The following DTNB variants were observed in gnomAD, a reference collection of about 807,000 sequenced individuals.
The protein encoded by DTNB is DTN-B.
Under a neutral mutation model 90.7 loss-of-function variants are expected in DTNB, and 63 were observed. That is an observed-to-expected ratio of 0.69 (90% CI 0.57 to 0.86). The LOEUF is 0.86. Among genes scored for constraint, DTNB ranks in the 40% least tolerant of loss-of-function variants. The pLI is 0.00. For synonymous variants in DTNB, 277 were observed against 286.7 expected (o/e 0.97, Z 0.34); for missense variants, 744 against 807.1 (o/e 0.92, Z 0.95).
intron 5 of DTNB, among the ~76,000 whole-genome samples, chr2:25,597,933 C>T (rs958134771): frequency 6.6e-6 from 1 of 152,114 alleles, no homozygotes; most frequent in Admixed American, 6.5e-5. Flanking sequence ...ACATGATAAG[C>T]CCCACCATGT....
chr2:25,553,496 G>C (rs1022457685), intron 8 of DTNB, among the ~76,000 whole-genome samples: 4 of 151,958 alleles, frequency 2.6e-5, no homozygotes, highest in African/African-American at 9.7e-5. Context: ...CTAGCACTTA[G>C]GGAGGCTGAG....
At chr2:25,538,168 A>G (rs2150990254) in intron 8 of DTNB, among the ~76,000 whole-genome samples, 1 of 152,240 alleles carries the variant, frequency 6.6e-6, no homozygotes, top group South Asian at 2.1e-4. Flanking sequence ...GGATCACTTG[A>G]GGCCAGGAGT....
At chr2:25,497,720 T>C (rs886067775) in intron 9 of DTNB, 3 of 152,156 alleles carry the variant, frequency 2.0e-5, no homozygotes, top group African/African-American at 4.8e-5. Flanking sequence ...AGTCCCATCA[T>C]GAGATTGTCT....
At chr2:25,621,750 C>G (rs1232279151) in intron 4 of DTNB, among the ~76,000 whole-genome samples, 1 of 151,568 alleles carries the variant, frequency 6.6e-6, no homozygotes, top group African/African-American at 2.4e-5. Context: ...AGCCACTGCA[C>G]CCAGCCTAAA....
intron 9 of DTNB, among the ~76,000 whole-genome samples, chr2:25,516,408 C>T (rs114459545): frequency 0.023 from 3,539 of 152,026 alleles, 124 homozygotes; most frequent in African/African-American, 0.081. Context: ...CACCCCACCC[C>T]GCTAATTTTT....
At chr2:25,489,313 A>G (rs2066878070) in intron 9 of DTNB, among the ~76,000 whole-genome samples, 1 of 152,212 alleles carries the variant, frequency 6.6e-6, no homozygotes, top group Non-Finnish European at 1.5e-5. Flanking sequence ...CATTTATCAG[A>G]TATTTGCCTA....
chr2:25,388,397 G>T lies in DTNB; in HGVS notation c.1576-36C>A, dbSNP rs758504464. 4 of 1,563,128 alleles carry T rather than the reference G, an allele frequency of 2.6e-6. No homozygotes were observed. The Admixed American group carries it at 7.6e-5, about 30-fold the overall frequency. On this transcript the variant is annotated intron_variant, in intron 16 of 20. Transcript: ENST00000406818. ...AAAGACAGAAAATACGTTATCTCAA[G>T]TACCTGACCTCTTTGAGGAAGGAAG...
chr2:25,668,360 C>G (rs2085003311), intron 1 of DTNB, among the ~76,000 whole-genome samples: 2 of 152,158 alleles, frequency 1.3e-5, no homozygotes. Flanking sequence ...TACATGATTC[C>G]AAATCTATGA....
chr2:25,409,188 G>C (rs1253320203), intron 16 of DTNB, among the ~76,000 whole-genome samples: 8 of 152,236 alleles, frequency 5.3e-5, no homozygotes, highest in Non-Finnish European at 1.0e-4. Context: ...GGATTTCAAA[G>C]TCAGGAAAGG....
At chr2:25,609,855 A>C (rs1182747308) in intron 4 of DTNB, among the ~76,000 whole-genome samples, 1 of 152,086 alleles carries the variant, frequency 6.6e-6, no homozygotes, top group Non-Finnish European at 1.5e-5. Context: ...AAACAAATCA[A>C]CTTTATAAAA....
chr2:25,379,607 A>G (rs987843157), intron 19 of DTNB: 8 of 363,428 alleles, frequency 2.2e-5, no homozygotes, highest in Non-Finnish European at 3.9e-5. Context: ...GAGCAGTTAC[A>G]TGAGGGGGGC....
chr2:25,468,495 C>T (rs1027375417), intron 10 of DTNB, among the ~76,000 whole-genome samples: 2 of 152,174 alleles, frequency 1.3e-5, no homozygotes, highest in Admixed American at 6.6e-5. Context: ...GTCTACAAAA[C>T]GACCGAGGGC....
rs2053181136 is a variant in DTNB at position 25,429,641 on chromosome 2, T to C, written c.1458-2010A>G. On this transcript the variant is annotated intron_variant, in intron 14 of 20. Transcript: ENST00000406818. ...CATTCCTACCATGATGCAAAATCCT[T>C]GAGGTCAGGGGATGGGCCTTACTCA... is the stretch of plus-strand genomic sequence containing the variant. Among the ~76,000 whole-genome samples the C allele has an allele frequency of 3.3e-5, 5 of 152,306 alleles. No individual in the cohort carries two copies. The South Asian group carries it at 1.0e-3, about 32-fold the overall frequency.
chr2:25,439,212 CAG>C (rs1348550193), intron 12 of DTNB, among the ~76,000 whole-genome samples: 2 of 152,060 alleles, frequency 1.3e-5, no homozygotes, highest in Non-Finnish European at 2.9e-5. Flanking sequence ...ATGTTAATAA[CAG>C]GGGAAACTTG....
chr2:25,522,756 A>T (rs1334580331), intron 9 of DTNB, among the ~76,000 whole-genome samples: 1 of 147,224 alleles, frequency 6.8e-6, no homozygotes, highest in Admixed American at 6.9e-5. Context: ...GATAGAGTGC[A>T]GTGGTGCAAT....
At position 25,566,187 on chromosome 2, in the gene DTNB, T is replaced by TG. The variant is rs751353746; in HGVS notation, c.876+10650dup. On this transcript the variant is annotated intron_variant, in intron 8 of 20. Coordinates refer to ENST00000406818, the MANE Select transcript of DTNB (RefSeq NM_021907.5). ...AAATGTTCGTGTTGCAAACTGCCTA[T>TG]GGGGGGCCACATGAAAAGAAACTGT... Among the ~76,000 whole-genome samples the TG allele has an allele frequency of 4.6e-5, 7 of 152,180 alleles. No homozygotes were observed. The East Asian group carries it at 5.8e-4, about 13-fold the overall frequency.
At chr2:25,481,962 T>G (rs549801753) in intron 10 of DTNB, 2 of 152,232 alleles carry the variant, frequency 1.3e-5, no homozygotes, top group African/African-American at 4.8e-5. Context: ...AAAATTTCTA[T>G]AGCATTTCTA....
chr2:25,648,284 A>G (rs971627399), intron 2 of DTNB, among the ~76,000 whole-genome samples: 21 of 152,358 alleles, frequency 1.4e-4, no homozygotes, highest in African/African-American at 5.1e-4. Context: ...TCGAGGCACC[A>G]TCATGATAAA....
intron 8 of DTNB, among the ~76,000 whole-genome samples, chr2:25,575,246 A>C (rs1465090207): frequency 2.6e-5 from 4 of 151,342 alleles, no homozygotes; most frequent in African/African-American, 4.8e-5. Flanking sequence ...ACACACACAA[A>C]AAAAAAAAAC....
Sources: gnomAD v4.1 joint callset for allele counts (sites outside exome capture counted in the v4.1 genomes callset) on GRCh38, gnomAD v4.1.1 for gene constraint, MANE v1.5 for transcripts, NCBI Gene and HGNC (gene_info 2026-07-23, HGNC 2026-07-21) for gene names.